The following GLI2 variants were observed in gnomAD, a reference collection of about 807,000 sequenced individuals.
GLI2 encodes GLI family zinc finger 2.
GLI2 carries 22 observed loss-of-function variants against 78.9 expected under a neutral mutation model. The observed-to-expected ratio is 0.28, with a 90% confidence interval of 0.20 to 0.40. GLI2 has a LOEUF of 0.40. Ranked by LOEUF, GLI2 falls within the 10% of genes least tolerant of loss-of-function variation. GLI2 has a pLI of 1.00. For missense variants in GLI2, 2,097 were observed against 2,213.2 expected, an observed-to-expected ratio of 0.95 and a Z score of 1.05; for synonymous variants, 974 against 963.7, an observed-to-expected ratio of 1.01 and a Z score of -0.20.
At chr2:120,807,769 G>A (rs1206794101) in intron 2 of GLI2, among the ~76,000 whole-genome samples, 3 of 152,292 alleles carry the variant, frequency 2.0e-5, no homozygotes, top group Non-Finnish European at 4.4e-5. Flanking sequence ...CCTAGGGTCT[G>A]TGTCCTCCCT....
At chr2:120,906,352 C>T (rs1250825941) in intron 2 of GLI2, among the ~76,000 whole-genome samples, 7 of 152,188 alleles carry the variant, frequency 4.6e-5, no homozygotes, top group Non-Finnish European at 1.0e-4. Flanking sequence ...CCATGGGGTT[C>T]ACCCTCTCCT....
chr2:120,829,115 C>T (rs1686231720), intron 2 of GLI2, among the ~76,000 whole-genome samples: 1 of 152,180 alleles, frequency 6.6e-6, no homozygotes, highest in African/African-American at 2.4e-5. Context: ...CATGCACGCA[C>T]TCACTGTCAC....
At position 120,970,468 on chromosome 2, in the gene GLI2, G is replaced by A. The variant is rs1573702015; in HGVS notation, c.921G>A (p.Gly307=). Residue 307 remains glycine (G), a synonymous_variant, in exon 7 of 14, where the codon GGG becomes GGA. Transcript: ENST00000361492. ...QQILSQQRGL[G]SAFGHTPPLI... is the part of the protein sequence containing the mutation. ...TTCTGAGCCAGCAGAGGGGTCTGGG[G>A]TCAGCCTTTGGACACACACCACCCC... 1 of 1,613,856 alleles carries A rather than the reference G, an allele frequency of 6.2e-7. No homozygotes were observed.
rs139865614 is a variant in GLI2 at position 120,802,015 on chromosome 2, G to T, written c.148+4547G>T. 4.9e-3 allele frequency among the ~76,000 whole-genome samples: 740 copies of T among 152,286 alleles called. 7 individuals carry two copies. The highest frequency in any genetic ancestry group is 0.017 in the African/African-American group (709 of 41,554). On this transcript the variant is annotated intron_variant, in intron 2 of 13. Coordinates refer to ENST00000361492, the MANE Select transcript of GLI2 (RefSeq NM_001374353.1). ...AGGGTGAGTGTCCAGCCTTGGTAAG[G>T]TCTCCTCATGTGTCTTCATGCCTCA...
intron 2 of GLI2, among the ~76,000 whole-genome samples, chr2:120,916,616 G>A (rs889857630): frequency 6.6e-6 from 1 of 152,244 alleles, no homozygotes; most frequent in Non-Finnish European, 1.5e-5. Context: ...CTGTGGGCAG[G>A]AATTATGCCT....
chr2:120,847,708 T>G (rs1384178644), intron 2 of GLI2, among the ~76,000 whole-genome samples: 5 of 128,520 alleles, frequency 3.9e-5, no homozygotes, highest in African/African-American at 1.5e-4. Context: ...CAGAGTGAGC[T>G]GGGAGATCCT....
At chr2:120,896,110 G>A (rs993349278) in intron 2 of GLI2, among the ~76,000 whole-genome samples, 2 of 152,220 alleles carry the variant, frequency 1.3e-5, no homozygotes, top group Admixed American at 6.5e-5. Context: ...TAGTTTTCCT[G>A]TCCCTCTCTG....
At chr2:120,831,088 A>C (rs1215329795) in intron 2 of GLI2, among the ~76,000 whole-genome samples, 2 of 138,612 alleles carry the variant, frequency 1.4e-5, no homozygotes, top group Admixed American at 7.4e-5. Context: ...TGTTTCTGTC[A>C]TTCTCTCTCT....
At chr2:120,757,971 G>A (rs1683081535) in intron 1 of GLI2, among the ~76,000 whole-genome samples, 2 of 152,220 alleles carry the variant, frequency 1.3e-5, no homozygotes, top group South Asian at 4.1e-4. Context: ...CTTGGCCGAA[G>A]CAGAGAGCTC....
intron 2 of GLI2, among the ~76,000 whole-genome samples, chr2:120,877,580 G>A (rs1688821294): frequency 6.6e-6 from 1 of 152,160 alleles, no homozygotes; most frequent in Non-Finnish European, 1.5e-5. Flanking sequence ...TGAGAGCATA[G>A]CTTGGTTTTG....
intron 1 of GLI2, among the ~76,000 whole-genome samples, chr2:120,786,765 T>C (rs1202298714): frequency 6.6e-6 from 1 of 152,084 alleles, no homozygotes; most frequent in East Asian, 1.9e-4. Context: ...CAGCAGACAT[T>C]AGAAGTCGAT....
chr2:120,906,636 A>C (rs1444861329), intron 2 of GLI2, among the ~76,000 whole-genome samples: 1 of 151,132 alleles, frequency 6.6e-6, no homozygotes, highest in African/African-American at 2.4e-5. Flanking sequence ...CTGAGCCCCC[A>C]GCTCTGGCCT....
chr2:120,979,085 C>T (rs1223978826), intron 10 of GLI2, among the ~76,000 whole-genome samples: 1 of 152,136 alleles, frequency 6.6e-6, no homozygotes, highest in African/African-American at 2.4e-5. Flanking sequence ...TCAGGCAATC[C>T]TCCCACCTCA....
chr2:120,746,412 C>T (rs1471560427), intron 1 of GLI2, among the ~76,000 whole-genome samples: 1 of 152,318 alleles, frequency 6.6e-6, no homozygotes, highest in East Asian at 1.9e-4. Context: ...CAGCCACCTG[C>T]CCAGCCAGAA....
At chr2:120,891,243 G>A (rs1389791419) in intron 2 of GLI2, among the ~76,000 whole-genome samples, 1 of 152,286 alleles carries the variant, frequency 6.6e-6, no homozygotes, top group African/African-American at 2.4e-5. Context: ...AGAAGAAATC[G>A]GGGAGCCTTG....
rs187970349 is a variant in GLI2 at position 120,894,517 on chromosome 2, G to A, written c.149-32844G>A. Among the ~76,000 whole-genome samples the A allele has an allele frequency of 2.4e-4, 37 of 152,108 alleles. No individual in the cohort carries two copies. The East Asian group carries it at 4.1e-3, about 17-fold the overall frequency. On this transcript the variant is annotated intron_variant, in intron 2 of 13. Coordinates refer to ENST00000361492, the MANE Select transcript of GLI2 (RefSeq NM_001374353.1). ...TCCCTTCTCACTCTCTTTCTAGAGC[G>A]CCAGTGTGGGATCAGTTCTTACTGC...
intron 2 of GLI2, among the ~76,000 whole-genome samples, chr2:120,869,955 G>C (rs1688345231): frequency 6.6e-6 from 1 of 152,302 alleles, no homozygotes; most frequent in Non-Finnish European, 1.5e-5. Flanking sequence ...AGTAGGTTTA[G>C]TGTTCTGTTT....
At chr2:120,881,759 C>T (rs2104714899) in intron 2 of GLI2, among the ~76,000 whole-genome samples, 1 of 1,888 alleles carries the variant, frequency 5.3e-4, no homozygotes, top group African/African-American at 2.1e-3. Flanking sequence ...TGCGGAGTGG[C>T]ACGGTCGCCG....
intron 2 of GLI2, among the ~76,000 whole-genome samples, chr2:120,809,600 G>C (rs901361084): frequency 1.3e-5 from 2 of 152,144 alleles, no homozygotes; most frequent in Admixed American, 6.5e-5. Context: ...AAGTGCGGGG[G>C]AGGGAGGGCG....
Sources: gnomAD v4.1 joint callset for allele counts (sites outside exome capture counted in the v4.1 genomes callset) on GRCh38, gnomAD v4.1.1 for gene constraint, MANE v1.5 for transcripts, NCBI Gene and HGNC (gene_info 2026-07-23, HGNC 2026-07-21) for gene names.